AKT3: variants seen among roughly 807,000 people sequenced by gnomAD.
AKT3 encodes RAC-gamma serine/threonine-protein kinase.
AKT3 carries 15 observed loss-of-function variants against 65.3 expected under a neutral mutation model. That is an observed-to-expected ratio of 0.23 (90% CI 0.15 to 0.35). The LOEUF (loss-of-function observed/expected upper bound fraction) is 0.35, where lower values mean the gene tolerates loss of function less well. Among genes scored for constraint, AKT3 ranks in the 10% least tolerant of loss-of-function variants. AKT3 has a pLI of 1.00. For missense variants in AKT3, 243 were observed against 576.5 expected (o/e 0.42, Z 5.92); for synonymous variants, 206 against 183.8 (o/e 1.12, Z -0.98).
chr1:243,580,508 G>C (rs967827568), intron 8 of AKT3, among the ~76,000 whole-genome samples: 3 of 152,180 alleles, frequency 2.0e-5, no homozygotes, highest in African/African-American at 7.2e-5. Flanking sequence ...GGCTGCACAG[G>C]CATGTCAGTC....
intron 2 of AKT3, chr1:243,814,524 T>C (rs1023258571): frequency 6.6e-6 from 1 of 152,208 alleles, no homozygotes; most frequent in Non-Finnish European, 1.5e-5. Flanking sequence ...CACATATTCA[T>C]GAATATTCTT....
At chr1:243,599,571 G>A (rs1031546698) in intron 8 of AKT3, among the ~76,000 whole-genome samples, 6 of 152,116 alleles carry the variant, frequency 3.9e-5, no homozygotes, top group Non-Finnish European at 7.4e-5. Context: ...CTACCGTGAT[G>A]AGAAAAGATA....
At chr1:243,661,205 T>C (rs558790193) in intron 4 of AKT3, among the ~76,000 whole-genome samples, 1 of 152,268 alleles carries the variant, frequency 6.6e-6, no homozygotes, top group African/African-American at 2.4e-5. Flanking sequence ...TGGAAAAAAC[T>C]ACTTTAAAGT....
chr1:243,584,542 A>G (rs971292914), intron 8 of AKT3, among the ~76,000 whole-genome samples: 10 of 152,194 alleles, frequency 6.6e-5, no homozygotes, highest in Admixed American at 3.9e-4. Flanking sequence ...AATCCTCAAC[A>G]AAATACTAGC....
chr1:243,714,864 A>C (rs1014646749), intron 2 of AKT3, among the ~76,000 whole-genome samples: 6 of 152,174 alleles, frequency 3.9e-5, no homozygotes, highest in Non-Finnish European at 8.8e-5. Flanking sequence ...GATTAGTTTA[A>C]TCAGAAGTAA....
intron 2 of AKT3, among the ~76,000 whole-genome samples, chr1:243,704,577 CGAT>C (rs939147399): frequency 6.6e-6 from 1 of 152,020 alleles, no homozygotes; most frequent in Non-Finnish European, 1.5e-5. Flanking sequence ...AAAAGGTAGT[CGAT>C]GATATTTGTT....
intron 5 of AKT3, among the ~76,000 whole-genome samples, chr1:243,643,527 A>G (rs900958784): frequency 6.6e-6 from 1 of 152,246 alleles, no homozygotes; most frequent in Admixed American, 6.5e-5. Flanking sequence ...TAATTAAAAC[A>G]TAGAACCACA....
intron 2 of AKT3, among the ~76,000 whole-genome samples, chr1:243,770,829 G>A (rs1019147076): frequency 2.0e-5 from 3 of 151,594 alleles, no homozygotes; most frequent in South Asian, 4.2e-4. Flanking sequence ...TCCCACCACC[G>A]TTGTCATTCT....
At chr1:243,617,454 G>A (rs1487791565) in intron 6 of AKT3, among the ~76,000 whole-genome samples, 1 of 151,866 alleles carries the variant, frequency 6.6e-6, no homozygotes, top group Non-Finnish European at 1.5e-5. Context: ...TAATTGGTAA[G>A]AACAGTGCTG....
At chr1:243,550,818 G>T (rs1396489874) in intron 11 of AKT3, among the ~76,000 whole-genome samples, 2 of 113,842 alleles carry the variant, frequency 1.8e-5, no homozygotes, top group African/African-American at 6.1e-5. Flanking sequence ...AAAAAGCCAG[G>T]TGTGGTGGCA....
chr1:243,703,726 A>C (rs1478916564), intron 2 of AKT3, among the ~76,000 whole-genome samples: 1 of 147,132 alleles, frequency 6.8e-6, no homozygotes, highest in Non-Finnish European at 1.5e-5. Flanking sequence ...GCACCACTGC[A>C]CTCCAATCTC....
chr1:243,633,099 G>T (rs552974120), intron 6 of AKT3, among the ~76,000 whole-genome samples: 191 of 152,256 alleles, frequency 1.3e-3, no homozygotes, highest in African/African-American at 4.4e-3. Flanking sequence ...GCAATTGGTT[G>T]ATACATTCAA....
intron 4 of AKT3, 87 bp downstream of exon 4, chr1:243,664,685 A>G: frequency 2.2e-6 from 1 of 463,312 alleles, no homozygotes; most frequent in South Asian, 4.3e-5. Context: ...ATATTTATAT[A>G]TATTTACAAA....
At position 243,798,393 on chromosome 1, in the gene AKT3, A is replaced by ATTTTTT. The variant is rs759264137; in HGVS notation, c.46+44726_46+44731dup. Among the ~76,000 whole-genome samples, 211 of 83,334 alleles carry ATTTTTT rather than the reference A, an allele frequency of 2.5e-3. 1 individual carries two copies. The highest frequency in any genetic ancestry group is 5.0e-3 in the African/African-American group (104 of 20,962). The allele number at this position is 83,334 out of a possible 152,430, so 54.7% of individuals were successfully genotyped here. On this transcript the variant is annotated intron_variant, in intron 2 of 13. Coordinates refer to ENST00000673466, the MANE Select transcript of AKT3 (RefSeq NM_005465.7). ...CACCACTACACCTGGCTAATTTTTA[A>ATTTTTT]TTTTTTTTTTTTTTTTTTTTTTTTG...
intron 2 of AKT3, among the ~76,000 whole-genome samples, chr1:243,744,248 C>T (rs144979864): frequency 6.6e-6 from 1 of 152,252 alleles, no homozygotes; most frequent in African/African-American, 2.4e-5. Context: ...CTAATATATG[C>T]TGTAGAAGTC....
At chr1:243,587,207 T>C (rs557282210) in intron 8 of AKT3, among the ~76,000 whole-genome samples, 225 of 152,364 alleles carry the variant, frequency 1.5e-3, no homozygotes, top group Admixed American at 4.7e-3. Context: ...AGCATCTTTA[T>C]ACACTGGTGG....
chr1:243,547,139 C>T (rs975273133), intron 11 of AKT3, among the ~76,000 whole-genome samples: 14 of 151,634 alleles, frequency 9.2e-5, no homozygotes, highest in African/African-American at 2.2e-4. Context: ...CCAATTCTGG[C>T]GGTATAAATT....
At chr1:243,650,656 A>C (rs1374484181) in intron 4 of AKT3, among the ~76,000 whole-genome samples, 1 of 152,164 alleles carries the variant, frequency 6.6e-6, no homozygotes, top group Non-Finnish European at 1.5e-5. Flanking sequence ...CATTTATTAA[A>C]TAGGGGATCC....
At chr1:243,620,932 C>A (rs1678701616) in intron 6 of AKT3, among the ~76,000 whole-genome samples, 2 of 152,026 alleles carry the variant, frequency 1.3e-5, no homozygotes, top group Admixed American at 1.3e-4. Context: ...TCATCTCTAC[C>A]CTCTTAACTC....
Sources: allele counts gnomAD v4.1 joint callset (sites outside exome capture counted in the v4.1 genomes callset), GRCh38; gene constraint gnomAD v4.1.1; transcripts MANE v1.5; gene names NCBI Gene and HGNC (gene_info 2026-07-23, HGNC 2026-07-21).